UGT1A10: variants seen among roughly 807,000 people sequenced by gnomAD.
UGT1A10 encodes the protein UDP-glucuronosyltransferase 1A10.
A neutral mutation model predicts 45.8 loss-of-function variants in UGT1A10; 49 were observed. The observed-to-expected ratio is 1.07, with a 90% confidence interval of 0.85 to 1.36. The LOEUF is 1.36. Ranked by LOEUF, UGT1A10 falls within the 40% of genes most tolerant of loss-of-function variation. The pLI is 0.00. For synonymous variants in UGT1A10, 284 were observed against 249.7 expected, an observed-to-expected ratio of 1.14 and a Z score of -1.29; for missense variants, 745 against 668.6, an observed-to-expected ratio of 1.11 and a Z score of -1.26.
At chr2:233,745,026 A>G (rs1010617743) in intron 1 of UGT1A10, among the ~76,000 whole-genome samples, 2 of 151,918 alleles carry the variant, frequency 1.3e-5, no homozygotes, top group Non-Finnish European at 2.9e-5. Flanking sequence ...TGCTATGTAA[A>G]TAGTTGTTTT....
intron 1 of UGT1A10, chr2:233,693,888 G>A (rs745978624): frequency 6.2e-7 from 1 of 1,613,982 alleles, no homozygotes; most frequent in South Asian, 1.1e-5. Flanking sequence ...ATTTCTTTTG[G>A]ACTGCCTTGT....
intron 1 of UGT1A10, among the ~76,000 whole-genome samples, chr2:233,649,324 GATCCTCCT>G (rs1054054233): frequency 6.6e-6 from 1 of 152,142 alleles, no homozygotes; most frequent in Non-Finnish European, 1.5e-5. Context: ...GGGCTCAAGT[GATCCTCCT>G]ATCTAAGCCT....
intron 1 of UGT1A10, among the ~76,000 whole-genome samples, chr2:233,705,440 G>C (rs72986482): frequency 6.6e-6 from 1 of 152,136 alleles, no homozygotes; most frequent in Admixed American, 6.5e-5. Flanking sequence ...TTATCCTTCA[G>C]AATTGCACAT....
At position 233,718,993 on chromosome 2, in the gene UGT1A10, CG is replaced by C. The variant is rs757477070; in HGVS notation, c.856-48039del. Reference sequence around the variant, plus strand: ...GAGCTCCATGCCAGAGGCCACCAGGCGGTGGTCCTCACCCCAGAGGTGAATA... The same window carrying C: ...GAGCTCCATGCCAGAGGCCACCAGGCGTGGTCCTCACCCCAGAGGTGAATA... On this transcript the variant is annotated intron_variant, in intron 1 of 4. Coordinates refer to ENST00000344644, the MANE Select transcript of UGT1A10 (RefSeq NM_019075.4). The C allele has an allele frequency of 3.7e-5, 59 of 1,614,208 alleles. No homozygotes were observed. The East Asian group carries it at 9.8e-4, about 27-fold the overall frequency.
In UGT1A10 at chr2:233,655,258, G is replaced by A. The variant is rs1318053837; in HGVS notation, c.855+17881G>A. 6.6e-5 allele frequency among the ~76,000 whole-genome samples: 10 copies of A among 152,296 alleles called. No individual in the cohort carries two copies. The East Asian group carries it at 1.9e-3, about 29-fold the overall frequency. On this transcript the variant is annotated intron_variant, in intron 1 of 4. Coordinates refer to ENST00000344644, the MANE Select transcript of UGT1A10 (RefSeq NM_019075.4). ...CTATTATCAGCTACCTGTTTTCCTT[G>A]TAACCTTGTGTTTTGGGAACCTAGC...
intron 1 of UGT1A10, chr2:233,690,716 G>C (rs1177258267): frequency 1.3e-5 from 16 of 1,217,412 alleles, no homozygotes; most frequent in Non-Finnish European, 1.7e-5. Context: ...TCATTATGAC[G>C]AACAGACATG....
intron 1 of UGT1A10, among the ~76,000 whole-genome samples, chr2:233,762,294 C>T (rs867302636): frequency 2.0e-5 from 3 of 152,346 alleles, no homozygotes; most frequent in Middle Eastern, 3.4e-3. Flanking sequence ...AAGGTGCCAA[C>T]CGAGGTCTAG....
Position 233,719,094 on chromosome 2 carries a change from G to A in UGT1A10, c.856-47940G>A, listed in dbSNP as rs376370143. 116 of 1,614,204 alleles carry A rather than the reference G, an allele frequency of 7.2e-5. No individual in the cohort carries two copies. Among genetic ancestry groups the A allele is most frequent in the East Asian group, 4.2e-4 (19 of 44,884 alleles). ...ATGGACCCAGAAGGAATTTGATCGCGTTACGCTGGGCTACACTCAAGGGTT... is the reference window on the plus strand; with the variant it reads ...ATGGACCCAGAAGGAATTTGATCGCATTACGCTGGGCTACACTCAAGGGTT... On this transcript the variant is annotated intron_variant, in intron 1 of 4. Coordinates refer to ENST00000344644, the MANE Select transcript of UGT1A10 (RefSeq NM_019075.4).
At chr2:233,757,303 G>A (rs1346705101) in intron 1 of UGT1A10, among the ~76,000 whole-genome samples, 3 of 111,204 alleles carry the variant, frequency 2.7e-5, no homozygotes, top group African/African-American at 6.7e-5. Flanking sequence ...GGGGTTGGGG[G>A]ACAGGGGGGC....
intron 1 of UGT1A10, among the ~76,000 whole-genome samples, chr2:233,700,712 C>CT (rs1247819378): frequency 6.6e-6 from 1 of 151,478 alleles, no homozygotes; most frequent in African/African-American, 2.4e-5. Context: ...ATGTTTTTTT[C>CT]TTTTTTTAAA....
chr2:233,682,138 A>G (rs1470214216), intron 1 of UGT1A10: 4 of 1,614,202 alleles, frequency 2.5e-6, no homozygotes, highest in Non-Finnish European at 3.4e-6. Flanking sequence ...GGCAACTGGG[A>G]AGATCACTGA....
chr2:233,644,668 A>C (rs2602372), intron 1 of UGT1A10, among the ~76,000 whole-genome samples: 2,943 of 152,288 alleles, frequency 0.019, 59 homozygotes, highest in Non-Finnish European at 0.028. Flanking sequence ...AATAGCACTG[A>C]TTTCAGTGCC....
At chr2:233,743,972 A>G in intron 1 of UGT1A10, 2 of 1,321,206 alleles carry the variant, frequency 1.5e-6, no homozygotes, top group African/African-American at 1.5e-5. Flanking sequence ...CAAGGCTGCC[A>G]GCACCCAGGC....
intron 1 of UGT1A10, among the ~76,000 whole-genome samples, chr2:233,668,781 T>C (rs1438573639): frequency 1.3e-5 from 2 of 152,248 alleles, no homozygotes; most frequent in Admixed American, 6.5e-5. Context: ...GTCTATGTTT[T>C]CTTTAGATGT....
chr2:233,660,517 A>G (rs574731870), intron 1 of UGT1A10, among the ~76,000 whole-genome samples: 133 of 152,180 alleles, frequency 8.7e-4, no homozygotes, highest in Admixed American at 1.8e-3. Flanking sequence ...CCAGTTTGGA[A>G]AAAGTGTTTC....
At chr2:233,743,935 C>T (rs761038539) in intron 1 of UGT1A10, 2 of 1,356,896 alleles carry the variant, frequency 1.5e-6, no homozygotes, top group African/African-American at 1.5e-5. Flanking sequence ...GCCAGAACGG[C>T]CCACCAGGCA....
At position 233,761,942 on chromosome 2, in the gene UGT1A10, C is replaced by T. The variant is rs912615378; in HGVS notation, c.856-5092C>T. ...CAGCCCAGGCACTTCCCAGGTGCTG[C>T]GTCTGGCTCCCATTAAGGGGACTGA... On this transcript the variant is annotated intron_variant, in intron 1 of 4. Coordinates refer to ENST00000344644, the MANE Select transcript of UGT1A10 (RefSeq NM_019075.4). Among the ~76,000 whole-genome samples the T allele has an allele frequency of 2.6e-5, 4 of 152,302 alleles. No homozygotes were observed. The South Asian group carries it at 8.3e-4, about 32-fold the overall frequency.
chr2:233,682,012 A>G (rs772323703), intron 1 of UGT1A10: 3 of 1,614,092 alleles, frequency 1.9e-6, no homozygotes, highest in Non-Finnish European at 2.5e-6. Flanking sequence ...TTGCCAAGGC[A>G]GGGAAGCTGC....
intron 1 of UGT1A10, chr2:233,648,998 A>G: frequency 7.2e-7 from 1 of 1,387,824 alleles, no homozygotes; most frequent in Non-Finnish European, 9.9e-7. Flanking sequence ...GGTGGTATCA[A>G]CTGCAATCAG....
Sources: gnomAD v4.1 joint callset for allele counts (sites outside exome capture counted in the v4.1 genomes callset) on GRCh38, gnomAD v4.1.1 for gene constraint, MANE v1.5 for transcripts, NCBI Gene and HGNC (gene_info 2026-07-23, HGNC 2026-07-21) for gene names.